RAI14: variants seen among roughly 807,000 people sequenced by gnomAD.
RAI14 encodes the protein ankycorbin.
In RAI14, 45 loss-of-function variants were observed where a neutral mutation model predicts 115.4. The observed-to-expected ratio is 0.39, with a 90% CI of 0.31 to 0.50. The LOEUF (loss-of-function observed/expected upper bound fraction) is 0.50. RAI14 is among the 20% of genes least tolerant of loss of function. The pLI, the probability that RAI14 is intolerant of heterozygous loss-of-function variation, is 0.85. For synonymous variants in RAI14, 371 were observed against 415.4 expected, an observed-to-expected ratio of 0.89 and a Z score of 1.30; for missense variants, 939 against 1,131.2, an observed-to-expected ratio of 0.83 and a Z score of 2.44.
At chr5:34,776,208 G>T (rs887274123) in intron 3 of RAI14, among the ~76,000 whole-genome samples, 2 of 152,196 alleles carry the variant, frequency 1.3e-5, no homozygotes, top group African/African-American at 2.4e-5. Flanking sequence ...ATTTGTGGGA[G>T]CTAGAAATTA....
intron 1 of RAI14, among the ~76,000 whole-genome samples, chr5:34,673,866 C>A (rs1743790504): frequency 6.6e-6 from 1 of 152,182 alleles, no homozygotes; most frequent in Non-Finnish European, 1.5e-5. Flanking sequence ...CTCCCCTCCC[C>A]CAACTCTAAA....
At position 34,785,093 on chromosome 5, in the gene RAI14, A is replaced by G. The variant is rs1028092403; in HGVS notation, c.168-10846A>G. 2.0e-5 allele frequency among the ~76,000 whole-genome samples: 3 copies of G among 152,174 alleles called. No individual in the cohort carries two copies. In the East Asian group the frequency reaches 5.8e-4, roughly 29 times the overall value. ...AAAGACTGGAGAATTTCAGGGGGAA[A>G]ATGTTGGAGCTATGTGTCCTTTTCC... On this transcript the variant is annotated intron_variant, in intron 3 of 17. Transcript: ENST00000265109.
chr5:34,678,109 T>G (rs115304102), intron 1 of RAI14, among the ~76,000 whole-genome samples: 3,831 of 151,786 alleles, frequency 0.025, 163 homozygotes, highest in African/African-American at 0.088. Flanking sequence ...GTTTTGTTTT[T>G]TTTTTTGAGA....
intron 1 of RAI14, among the ~76,000 whole-genome samples, chr5:34,661,046 G>A (rs767295056): frequency 1.2e-4 from 19 of 152,180 alleles, no homozygotes; most frequent in East Asian, 5.8e-4. Flanking sequence ...CTAGCTTGCC[G>A]TGTATAGGTT....
In RAI14 at chr5:34,814,737, T is replaced by C. The variant is rs1454199297; in HGVS notation, c.939+68T>C. 12 of 1,228,754 alleles carry C rather than the reference T, an allele frequency of 9.8e-6. No homozygotes were observed. The Admixed American group carries it at 1.6e-4, about 16-fold the overall frequency. 76.1% of individuals were successfully genotyped at this position (1,228,754 alleles called of 1,614,324 possible). A position where few individuals can be genotyped will look rare whatever the true frequency, so the allele number is the denominator to read the frequency against. ...TACATGATAGACTTGCTTTAAGTTA[T>C]ATAACACTGGGAAAAACAGAATATA... On this transcript the variant is annotated intron_variant, in intron 12 of 17. Transcript: ENST00000265109.
intron 3 of RAI14, among the ~76,000 whole-genome samples, chr5:34,776,785 T>C (rs151154723): frequency 0.22 from 31,358 of 140,766 alleles, 4,604 homozygotes; most frequent in Non-Finnish European, 0.31. Context: ...CCAGCCTGGG[T>C]GACAGAGTGA....
chr5:34,823,469 T>G lies in RAI14; in HGVS notation c.1627T>G (p.Leu543Val). ...GCTAAAGCAGGATCTGCAGAATGCA[T>G]TAGAAGAAAGTGAAAGAAATAAAGA... Reference protein sequence around the residue: ...NVLKQDLQNALEESERNKEKV... With the variant: ...NVLKQDLQNAVEESERNKEKV... Residue 543 changes from leucine (L) to valine (V), a missense_variant, in exon 15 of 18, where the codon TTA becomes GTA. Coordinates refer to ENST00000265109, the MANE Select transcript of RAI14 (RefSeq NM_015577.3). This position sits in a 1 kb window ranked among gnomAD's most constrained non-coding sequence, Gnocchi z 4.5. 1 of 1,613,798 alleles carries G rather than the reference T, an allele frequency of 6.2e-7. No individual in the cohort carries two copies. The highest frequency in any genetic ancestry group is 1.3e-5 in the African/African-American group (1 of 74,916).
At chr5:34,685,087 G>C (rs1744718769) in intron 1 of RAI14, 1 of 151,924 alleles carries the variant, frequency 6.6e-6, no homozygotes, top group Non-Finnish European at 1.5e-5. Flanking sequence ...AAAAGGTAGA[G>C]TCTGTACATG....
chr5:34,694,816 G>A (rs1212070007), intron 2 of RAI14, among the ~76,000 whole-genome samples: 1 of 152,186 alleles, frequency 6.6e-6, no homozygotes, highest in Non-Finnish European at 1.5e-5. Context: ...TGTTTCTGTA[G>A]CAACTTTTCA....
At chr5:34,747,424 A>G (rs1746424122) in intron 2 of RAI14, among the ~76,000 whole-genome samples, 1 of 152,230 alleles carries the variant, frequency 6.6e-6, no homozygotes, top group South Asian at 2.1e-4. Context: ...ATAAGTAGCT[A>G]TTGGGTATGT....
At chr5:34,730,092 A>T (rs1385086505) in intron 2 of RAI14, among the ~76,000 whole-genome samples, 3 of 152,216 alleles carry the variant, frequency 2.0e-5, no homozygotes, top group African/African-American at 7.2e-5. Flanking sequence ...GACTGACATG[A>T]GTTGATAATC....
At chr5:34,698,845 G>A (rs1181681636) in intron 2 of RAI14, among the ~76,000 whole-genome samples, 2 of 152,028 alleles carry the variant, frequency 1.3e-5, no homozygotes, top group Non-Finnish European at 2.9e-5. Flanking sequence ...AGAAAAGGGG[G>A]CCAGGACTAG....
intron 3 of RAI14, among the ~76,000 whole-genome samples, chr5:34,769,213 C>T (rs1257331795): frequency 6.6e-6 from 1 of 152,074 alleles, no homozygotes; most frequent in Non-Finnish European, 1.5e-5. Context: ...ACAAATGTTT[C>T]CATCTCAAAC....
intron 2 of RAI14, among the ~76,000 whole-genome samples, chr5:34,733,777 A>T (rs1288601564): frequency 6.6e-6 from 1 of 152,180 alleles, no homozygotes; most frequent in Non-Finnish European, 1.5e-5. Context: ...CTGGATACAG[A>T]TGCTGTCCTC....
intron 2 of RAI14, among the ~76,000 whole-genome samples, chr5:34,738,707 C>T (rs527663688): frequency 1.8e-4 from 27 of 152,346 alleles, no homozygotes; most frequent in African/African-American, 6.0e-4. Context: ...GTTGACATCA[C>T]TGGTCCAATT....
chr5:34,688,155 C>T (rs565189628), intron 2 of RAI14: 34 of 1,540,806 alleles, frequency 2.2e-5, no homozygotes, highest in East Asian at 1.5e-4. Flanking sequence ...CCTGGTCATC[C>T]GACTTCCGAG....
chr5:34,814,401 C>T (rs138343604), intron 11 of RAI14, among the ~76,000 whole-genome samples, 182 bp from the exon 12 acceptor site: 1 of 152,266 alleles, frequency 6.6e-6, no homozygotes, highest in African/African-American at 2.4e-5. Flanking sequence ...TGTAAACTTT[C>T]AGAAAGTATT....
chr5:34,671,911 A>C (rs115284737), intron 1 of RAI14, among the ~76,000 whole-genome samples: 125 of 152,238 alleles, frequency 8.2e-4, no homozygotes, highest in African/African-American at 3.0e-3. Flanking sequence ...TCTTATAAAG[A>C]AGACATATTA....
At chr5:34,777,084 T>G (rs1750957415) in intron 3 of RAI14, among the ~76,000 whole-genome samples, 1 of 151,862 alleles carries the variant, frequency 6.6e-6, no homozygotes, top group African/African-American at 2.4e-5. Context: ...GAGAATCGCT[T>G]GAACCCAGGA....
Sources: allele counts gnomAD v4.1 joint callset (sites outside exome capture counted in the v4.1 genomes callset), GRCh38; gene constraint gnomAD v4.1.1; non-coding constraint Gnocchi (gnomAD v3.1); transcripts MANE v1.5; gene names NCBI Gene and HGNC (gene_info 2026-07-23, HGNC 2026-07-21).